PTPRT: variants seen among roughly 807,000 people sequenced by gnomAD.
PTPRT encodes the protein protein tyrosine phosphatase receptor type T, also known as receptor-type tyrosine-protein phosphatase T.
PTPRT carries 56 observed loss-of-function variants against 176.8 expected under a neutral mutation model. The ratio of observed to expected loss-of-function variants is 0.32; its 90% CI spans 0.26 to 0.40. The LOEUF (loss-of-function observed/expected upper bound fraction) is 0.40. Among genes scored for constraint, PTPRT ranks in the 10% least tolerant of loss-of-function variants. PTPRT has a pLI of 1.00. For missense variants in PTPRT, 1,540 were observed against 1,908.2 expected, an observed-to-expected ratio of 0.81 and a Z score of 3.60; for synonymous variants, 783 against 739.0, an observed-to-expected ratio of 1.06 and a Z score of -0.96.
At chr20:43,026,749 C>T (rs1053081265) in intron 1 of PTPRT, among the ~76,000 whole-genome samples, 3 of 152,156 alleles carry the variant, frequency 2.0e-5, no homozygotes, top group African/African-American at 7.2e-5. Context: ...CTTCCCTTCC[C>T]AGCTTCTGGT....
Position 42,110,447 on chromosome 20 carries a change from A to G in PTPRT, c.3140T>C (p.Phe1047Ser). Residue 1047 changes from phenylalanine to serine, a missense_variant, in exon 23 of 31, where the codon TTC (phenylalanine) becomes TCC (serine). Coordinates refer to ENST00000373187, the MANE Select transcript of PTPRT (RefSeq NM_007050.6). ...AACGCCGTGGTCAGGCCAGCTGGTG[A>G]AGTGGAAGAGGCGGAGCTCCCGGAT... ...HEIRELRLFH[F>S]TSWPDHGVPC... 3 of 1,611,652 alleles carry G rather than the reference A, an allele frequency of 1.9e-6. No individual in the cohort carries two copies. The highest frequency in any genetic ancestry group is 2.5e-6 in the Non-Finnish European group (3 of 1,178,194).
In PTPRT at chr20:42,318,533, G is replaced by A. The variant is rs143292566; in HGVS notation, c.1866-2537C>T. On this transcript the variant is annotated intron_variant, in intron 11 of 30. Coordinates refer to ENST00000373187, the MANE Select transcript of PTPRT (RefSeq NM_007050.6). ...AGCTTCATGAAGCAGACAACCTCTT[G>A]GGCTCTCCTGCTGAAGCTAACAACA... Among the ~76,000 whole-genome samples, 295 of 152,226 alleles carry A rather than the reference G, an allele frequency of 1.9e-3. 1 individual carries two copies. Among genetic ancestry groups the A allele is most frequent in the African/African-American group, 6.9e-3 (286 of 41,530 alleles).
At chr20:42,705,311 G>A (rs1020368257) in intron 6 of PTPRT, among the ~76,000 whole-genome samples, 1 of 152,122 alleles carries the variant, frequency 6.6e-6, no homozygotes, top group Non-Finnish European at 1.5e-5. Context: ...CAAGTGGGCT[G>A]AGTCCGAGAA....
the PTPRT span, among the ~76,000 whole-genome samples, chr20:42,040,261 A>C: frequency 1.3e-5 from 2 of 152,204 alleles, no homozygotes; most frequent in African/African-American, 4.8e-5. Context: ...GACAGGAGAA[A>C]CAGGCTGTCT....
At chr20:43,005,103 A>G (rs1315495250) in intron 1 of PTPRT, among the ~76,000 whole-genome samples, 1 of 152,038 alleles carries the variant, frequency 6.6e-6, no homozygotes, top group Non-Finnish European at 1.5e-5. Context: ...CCTATAGTTC[A>G]CATCCCCTCC....
intron 7 of PTPRT, among the ~76,000 whole-genome samples, chr20:42,521,674 A>C (rs757128521): frequency 5.3e-5 from 8 of 152,190 alleles, no homozygotes; most frequent in Non-Finnish European, 7.3e-5. Context: ...CATTAGAACA[A>C]TATTATCTGA....
At chr20:42,915,065 A>C (rs1260279758) in intron 1 of PTPRT, among the ~76,000 whole-genome samples, 1 of 143,942 alleles carries the variant, frequency 6.9e-6, no homozygotes, top group Non-Finnish European at 1.5e-5. Context: ...AAAAAGATAT[A>C]ATTAAGGAAG....
intron 5 of PTPRT, among the ~76,000 whole-genome samples, chr20:42,768,764 G>C (rs1569144901): frequency 1.3e-5 from 2 of 152,166 alleles, no homozygotes; most frequent in Non-Finnish European, 2.9e-5. Context: ...AAGACGTTTT[G>C]TGAAATAAGA....
intron 1 of PTPRT, among the ~76,000 whole-genome samples, chr20:42,889,145 C>G (rs1168906962): frequency 6.6e-6 from 1 of 152,172 alleles, no homozygotes; most frequent in South Asian, 2.1e-4. Context: ...TGACTGCTGA[C>G]AGGTCCTGGC....
At chr20:42,086,743 A>ATAT (rs1436136131) in intron 27 of PTPRT, among the ~76,000 whole-genome samples, 1 of 38,302 alleles carries the variant, frequency 2.6e-5, no homozygotes. Context: ...AAAAAAAAAA[A>ATAT]AAAAAAAAAA....
chr20:42,489,940 C>T (rs1395416842), intron 7 of PTPRT, among the ~76,000 whole-genome samples: 1 of 152,134 alleles, frequency 6.6e-6, no homozygotes, highest in African/African-American at 2.4e-5. Flanking sequence ...ATTAAGGTGG[C>T]ATTCAGTTTT....
intron 11 of PTPRT, among the ~76,000 whole-genome samples, chr20:42,318,489 G>A (rs1011035256): frequency 6.6e-6 from 1 of 152,188 alleles, no homozygotes; most frequent in African/African-American, 2.4e-5. Flanking sequence ...ATCTGTGAGG[G>A]AAAGGGCAAA....
At position 42,791,282 on chromosome 20, in the gene PTPRT, G is replaced by A. The variant is rs2145547716; in HGVS notation, c.399C>T (p.Asn133=). 6.2e-7 allele frequency: 1 copy of A among 1,614,214 alleles called. No homozygotes were observed. Among genetic ancestry groups the A allele is most frequent in the Non-Finnish European group, 8.5e-7 (1 of 1,180,020 alleles). ...YVKVNGGPQG[N]PVWNVSGVVT... Reference sequence around the variant, plus strand: ...CGACCCCGGACACATTCCACACAGGGTTCCCTTGGGGGCCACCATTCACCT... The same window carrying A: ...CGACCCCGGACACATTCCACACAGGATTCCCTTGGGGGCCACCATTCACCT... The change falls in exon 3 of 31, where the codon AAC becomes AAT. Residue 133 remains asparagine, a synonymous_variant. Transcript: ENST00000373187.
At chr20:42,349,124 C>T (rs2145506610) in intron 11 of PTPRT, among the ~76,000 whole-genome samples, 1 of 152,220 alleles carries the variant, frequency 6.6e-6, no homozygotes, top group East Asian at 1.9e-4. Flanking sequence ...CTAGCTAGAC[C>T]ATCTCAAAAG....
chr20:43,103,582 T>C (rs2012478041), intron 1 of PTPRT, among the ~76,000 whole-genome samples: 1 of 152,132 alleles, frequency 6.6e-6, no homozygotes, highest in African/African-American at 2.4e-5. Flanking sequence ...ATGCTTTATA[T>C]AAATCCTGCA....
intron 8 of PTPRT, among the ~76,000 whole-genome samples, chr20:42,471,347 G>C (rs2071192254): frequency 6.6e-6 from 1 of 152,158 alleles, no homozygotes; most frequent in African/African-American, 2.4e-5. Context: ...CAGTGCTGGA[G>C]GTGTGATTGG....
intron 17 of PTPRT, among the ~76,000 whole-genome samples, chr20:42,152,094 T>G (rs868044837): frequency 1.3e-5 from 2 of 152,236 alleles, no homozygotes; most frequent in South Asian, 4.1e-4. Context: ...GGGAGCACCA[T>G]GCATACGGCA....
In PTPRT at chr20:42,082,421, TC is replaced by T. The variant is rs1983426352; in HGVS notation, c.4137-405del. Among the ~76,000 whole-genome samples the T allele has an allele frequency of 2.0e-5, 3 of 152,342 alleles. No homozygotes were observed. The South Asian group carries it at 6.2e-4, about 32-fold the overall frequency. On this transcript the variant is annotated intron_variant, in intron 29 of 30. Transcript: ENST00000373187. The stretch of plus-strand genomic sequence containing the variant: ...ACCTGCATCCTTGCTGATGCTTGCA[TC>T]CATGTCCAAAAGAATGCTCTGGGTC...
At chr20:42,556,208 G>A (rs1438393256) in intron 7 of PTPRT, among the ~76,000 whole-genome samples, 3 of 152,160 alleles carry the variant, frequency 2.0e-5, no homozygotes, top group Non-Finnish European at 4.4e-5. Flanking sequence ...CTGGCCAATT[G>A]TATGTACAGC....
Sources: allele counts gnomAD v4.1 joint callset (sites outside exome capture counted in the v4.1 genomes callset), GRCh38; gene constraint gnomAD v4.1.1; transcripts MANE v1.5; gene names NCBI Gene and HGNC (gene_info 2026-07-23, HGNC 2026-07-21).